Variants in WASHC2C observed in about 807,000 individuals in gnomAD.
WASHC2C encodes the protein Vaccinia Penetration Factor.
Under a neutral mutation model 142.2 loss-of-function variants are expected in WASHC2C, and 73 were observed. That is an observed-to-expected ratio of 0.51 (90% CI 0.43 to 0.62). The LOEUF (loss-of-function observed/expected upper bound fraction) is 0.62. WASHC2C is among the 20% of genes least tolerant of loss of function. The pLI, the probability that WASHC2C is intolerant of heterozygous loss-of-function variation, is 0.00. For synonymous variants in WASHC2C, 337 were observed against 565.5 expected, an observed-to-expected ratio of 0.60 and a Z score of 5.73; for missense variants, 969 against 1,531.7, an observed-to-expected ratio of 0.63 and a Z score of 6.13.
chr10:45,729,191 T>C (rs188223619), intron 3 of WASHC2C, among the ~76,000 whole-genome samples, 165 bp downstream of exon 3: 2 of 152,332 alleles, frequency 1.3e-5, no homozygotes, highest in Admixed American at 6.5e-5. Flanking sequence ...TTGTAAAGTT[T>C]TAAGTCCTTT....
intron 3 of WASHC2C, among the ~76,000 whole-genome samples, chr10:45,734,359 C>CTGTGTGTGTGTG (rs139735516): frequency 1.3e-5 from 2 of 148,156 alleles, no homozygotes; most frequent in South Asian, 2.1e-4. Context: ...TTCTAGATGA[C>CTGTGTGTGTGTG]TGTGTGTGTG....
At chr10:45,733,701 A>T (rs2050879114) in intron 3 of WASHC2C, among the ~76,000 whole-genome samples, 2 of 152,114 alleles carry the variant, frequency 1.3e-5, no homozygotes, top group African/African-American at 4.8e-5. Flanking sequence ...CAGGCTGCTG[A>T]TGGGTAACCA....
chr10:45,752,782 T>C, intron 12 of WASHC2C, 76 bp downstream of exon 12: 1 of 1,000,676 alleles, frequency 1.0e-6, no homozygotes, highest in Non-Finnish European at 1.5e-6. Context: ...TAGGCTTTGC[T>C]TGTTTAGTGG....
intron 11 of WASHC2C, among the ~76,000 whole-genome samples, chr10:45,752,343 A>G (rs1176916641): frequency 6.6e-6 from 1 of 152,306 alleles, no homozygotes; most frequent in African/African-American, 2.4e-5. Context: ...GCTGGCCTAG[A>G]GAATGAATGC....
chr10:45,769,266 C>T (rs1414956999), intron 19 of WASHC2C, among the ~76,000 whole-genome samples, 183 bp from the exon 20 acceptor site: 17 of 151,090 alleles, frequency 1.1e-4, no homozygotes, highest in Middle Eastern at 3.2e-3. Flanking sequence ...TACAGGCTCC[C>T]GCCACCACGC....
chr10:45,760,826 G>A (rs2573554), intron 17 of WASHC2C, among the ~76,000 whole-genome samples: 2,977 of 111,238 alleles, frequency 0.027, no homozygotes, highest in Middle Eastern at 0.099. Flanking sequence ...GTGTATATTT[G>A]CTTATTCATT....
chr10:45,784,267 T>TATATATATATATATATACACACACACAC (rs1564819541), intron 23 of WASHC2C, among the ~76,000 whole-genome samples: 1 of 5,648 alleles, frequency 1.8e-4, no homozygotes, highest in Non-Finnish European at 5.3e-4. Context: ...TATATATATA[T>TATATATATATATATATACACACACACAC]ATATATATAT....
rs1405667059 is a variant in WASHC2C, at chr10:45,768,083, T to G, written c.1870-1366T>G. On this transcript the variant is annotated intron_variant, in intron 19 of 30. Transcript: ENST00000623400. ...TCTACTAAAAAATACAAAAATTATC[T>G]GGGTGTTGTGGTGCTTGCCTGTAAT... is the stretch of plus-strand genomic sequence containing the variant. Among the ~76,000 whole-genome samples the G allele has an allele frequency of 1.5e-4, 23 of 148,588 alleles. No homozygotes were observed. The East Asian group carries it at 3.6e-3, about 23-fold the overall frequency.
chr10:45,759,521 T>C (rs1343055492), intron 17 of WASHC2C, 120 bp downstream of exon 17: 12 of 1,454,312 alleles, frequency 8.3e-6, no homozygotes, highest in Middle Eastern at 2.5e-4. Flanking sequence ...TCCAGTTCTT[T>C]AAAAATTATC....
At position 45,727,820 on chromosome 10, in the gene WASHC2C, G is replaced by C. The variant is rs968880316; in HGVS notation, c.126+281G>C. ...TCCGTTTCCGCCACACTGAGGGATT[G>C]CTCGGGCACTAGGGAGGCGATTCCT... On this transcript the variant is annotated intron_variant, in intron 2 of 30. Transcript: ENST00000623400. 1.6e-4 allele frequency among the ~76,000 whole-genome samples: 25 copies of C among 152,184 alleles called. No individual in the cohort carries two copies. In the East Asian group the frequency reaches 4.8e-3, roughly 29 times the overall value.
intron 3 of WASHC2C, among the ~76,000 whole-genome samples, chr10:45,731,805 T>G (rs2050624702): frequency 1.4e-5 from 2 of 146,822 alleles, no homozygotes; most frequent in Non-Finnish European, 3.0e-5. Context: ...TTTTTTTTTT[T>G]TTTTTTTGAG....
At chr10:45,747,266 G>C (rs1195913220) in intron 8 of WASHC2C, among the ~76,000 whole-genome samples, 1 of 151,674 alleles carries the variant, frequency 6.6e-6, no homozygotes, top group Non-Finnish European at 1.5e-5. Flanking sequence ...TCAGCCTCCC[G>C]AGTAGCTGGC....
chr10:45,751,394 G>C, intron 10 of WASHC2C, 88 bp from the exon 11 acceptor site: 2 of 810,042 alleles, frequency 2.5e-6, no homozygotes, highest in South Asian at 3.7e-5. Context: ...TTAGCTGTGA[G>C]TTATGAGGAT....
intron 11 of WASHC2C, among the ~76,000 whole-genome samples, chr10:45,752,326 C>A (rs528547327): frequency 6.6e-6 from 1 of 152,404 alleles, no homozygotes; most frequent in East Asian, 1.9e-4. Flanking sequence ...AAATCTAGAT[C>A]CAGGGTGCTG....
At chr10:45,773,856 G>C (rs1225020438) in intron 21 of WASHC2C, among the ~76,000 whole-genome samples, 11 of 144,200 alleles carry the variant, frequency 7.6e-5, no homozygotes, top group African/African-American at 2.9e-4. Flanking sequence ...AAAAACCCAG[G>C]GTGGAGCTTA....
At chr10:45,766,870 A>C (rs1554882597) in intron 19 of WASHC2C, among the ~76,000 whole-genome samples, 1 of 152,226 alleles carries the variant, frequency 6.6e-6, no homozygotes, top group African/African-American at 2.4e-5. Context: ...CATTGTAGGC[A>C]AGTTAGTAGG....
intron 2 of WASHC2C, 42 bp from the exon 3 acceptor site, chr10:45,728,820 C>T (rs774749837): frequency 6.3e-7 from 1 of 1,588,238 alleles, no homozygotes; most frequent in Non-Finnish European, 8.6e-7. Flanking sequence ...AGAATAGTTA[C>T]ATGTAACATT....
intron 20 of WASHC2C, among the ~76,000 whole-genome samples, chr10:45,770,044 G>T (rs1212803473): frequency 6.6e-6 from 1 of 151,082 alleles, no homozygotes; most frequent in Non-Finnish European, 1.5e-5. Flanking sequence ...TTCAAGACCA[G>T]CCTGGCCAAT....
intron 3 of WASHC2C, among the ~76,000 whole-genome samples, chr10:45,733,843 TGTG>T (rs1554863336): frequency 6.6e-6 from 1 of 152,172 alleles, no homozygotes; most frequent in Non-Finnish European, 1.5e-5. Context: ...AGAAAAATCA[TGTG>T]AAATTTCCTC....
Sources: allele counts gnomAD v4.1 joint callset (sites outside exome capture counted in the v4.1 genomes callset), GRCh38; gene constraint gnomAD v4.1.1; transcripts MANE v1.5; gene names NCBI Gene and HGNC (gene_info 2026-07-23, HGNC 2026-07-21).